The following FMO5 variants were observed in gnomAD, a reference collection of about 807,000 sequenced individuals.
FMO5 encodes flavin-containing monooxygenase 5.
In FMO5, 51 loss-of-function variants were observed where a neutral mutation model predicts 43.6. The observed-to-expected ratio is 1.17, with a 90% CI of 0.93 to 1.48. The LOEUF is 1.48. FMO5 is among the 40% of genes most tolerant of loss of function. FMO5 has a pLI of 0.00. For missense variants in FMO5, 644 were observed against 643.0 expected (o/e 1.00, Z -0.02); for synonymous variants, 187 against 216.5 (o/e 0.86, Z 1.20).
chr1:147,203,582 G>A, intron 6 of FMO5: 1 of 1,053,580 alleles, frequency 9.5e-7, no homozygotes, highest in Non-Finnish European at 1.5e-6. Flanking sequence ...TTCTGCCAGT[G>A]CACGGGGAAT....
At chr1:147,214,662 G>A (rs1417068174) in intron 3 of FMO5, 6 of 151,890 alleles carry the variant, frequency 4.0e-5, no homozygotes, top group African/African-American at 1.5e-4. Flanking sequence ...AAACTTCCCT[G>A]GAACCTGATA....
Position 147,186,429 on chromosome 1 carries a change from T to C in FMO5, c.*471A>G. 1.1e-6 allele frequency: 1 copy of C among 914,482 alleles called. No individual in the cohort carries two copies. The highest frequency in any genetic ancestry group is 5.0e-5 in the South Asian group (1 of 19,842). The allele number at this position is 914,482 out of a possible 1,614,324, so 56.6% of individuals were successfully genotyped here. On this transcript the variant is annotated 3_prime_UTR_variant, in exon 9 of 9. Coordinates refer to ENST00000254090, the MANE Select transcript of FMO5 (RefSeq NM_001461.4). Reference sequence around the variant, plus strand: ...AACTATTGTAGGAACATTATTTCTCTTATCTCTCAGGAAACATATTTAGTT... The same window carrying C: ...AACTATTGTAGGAACATTATTTCTCCTATCTCTCAGGAAACATATTTAGTT...
chr1:147,209,164 A>G (rs1289398783), intron 5 of FMO5, 113 bp from the exon 6 acceptor site: 10 of 787,406 alleles, frequency 1.3e-5, no homozygotes, highest in East Asian at 8.9e-5. Context: ...TCACGCCTGT[A>G]ATCCCAGCAC....
chr1:147,225,136 G>GGC, intron 1 of FMO5, 70 bp from the exon 2 acceptor site: 2 of 1,574,994 alleles, frequency 1.3e-6, no homozygotes, highest in Non-Finnish European at 1.7e-6. Flanking sequence ...CCTTGGCCGT[G>GGC]GCATTCGAAT....
At chr1:147,194,760 C>T in intron 7 of FMO5, among the ~76,000 whole-genome samples, 1 of 151,122 alleles carries the variant, frequency 6.6e-6, no homozygotes, top group Non-Finnish European at 1.5e-5. Context: ...GTCTCCTTCA[C>T]TTATGAAGCT....
chr1:147,214,782 T>A (rs1661701433), intron 3 of FMO5: 1 of 151,956 alleles, frequency 6.6e-6, no homozygotes, highest in Non-Finnish European at 1.5e-5. Flanking sequence ...TATAATAAAA[T>A]TTTTCTTCAT....
At chr1:147,208,816 G>T (rs1413001551) in intron 6 of FMO5, 36 bp downstream of exon 6, 3 of 1,554,358 alleles carry the variant, frequency 1.9e-6, no homozygotes, top group Non-Finnish European at 2.7e-6. Context: ...CTTGTGCTTT[G>T]GCCACTATCC....
chr1:147,215,645 A>T (rs1553924801), intron 3 of FMO5, 109 bp downstream of exon 3: 2 of 750,042 alleles, frequency 2.7e-6, no homozygotes, highest in Admixed American at 5.6e-5. Context: ...GGATAAATAC[A>T]TGTGCAAATC....
intron 8 of FMO5, among the ~76,000 whole-genome samples, chr1:147,188,750 C>T (rs1571135790): frequency 6.7e-6 from 1 of 148,286 alleles, no homozygotes; most frequent in East Asian, 2.0e-4. Flanking sequence ...TAAATATTTA[C>T]TATTTCAGAA....
At position 147,224,901 on chromosome 1, in the gene FMO5, C is replaced by A. The variant is rs1228538453; in HGVS notation, c.129G>T (p.Arg43Ser). ...GACTAGGAGATGTATGTACCTGGAA[C>A]CTCCAGAGCCCTCCGATGTCATCAG... ...ERTDDIGGLW[R>S]FQENPEEGRA... is the part of the protein sequence containing the mutation. Residue 43 changes from arginine (R) to serine (S), a missense_variant, in exon 2 of 9, where the codon AGG becomes AGT. Transcript: ENST00000254090. The A allele has an allele frequency of 6.2e-7, 1 of 1,613,852 alleles. No homozygotes were observed. The highest frequency in any genetic ancestry group is 8.5e-7 in the Non-Finnish European group (1 of 1,179,962).
chr1:147,224,071 G>C (rs1663559920), intron 2 of FMO5: 1 of 371,236 alleles, frequency 2.7e-6, no homozygotes, highest in African/African-American at 2.1e-5. Flanking sequence ...TGCCTGCCCT[G>C]TGTCCCAAAA....
chr1:147,184,682 C>G (rs1287586410), downstream of FMO5: 3 of 1,440,806 alleles, frequency 2.1e-6, no homozygotes, highest in African/African-American at 4.3e-5. This position sits in a 1 kb window ranked among gnomAD's most constrained non-coding sequence, Gnocchi z 4.4. Flanking sequence ...GTGGCCTTCT[C>G]ATCACTTCAT....
At chr1:147,189,769 A>T (rs1656334077) in intron 8 of FMO5, among the ~76,000 whole-genome samples, 1 of 152,148 alleles carries the variant, frequency 6.6e-6, no homozygotes, top group Non-Finnish European at 1.5e-5. Flanking sequence ...GCCACTGCAG[A>T]CTTGTAAATC....
chr1:147,190,358 C>CCTGT, intron 7 of FMO5, 109 bp from the exon 8 acceptor site: 1 of 679,654 alleles, frequency 1.5e-6, no homozygotes, highest in South Asian at 1.9e-5. Flanking sequence ...GGGTAAGTTT[C>CCTGT]CTGTACTCAA....
chr1:147,189,149 C>T (rs781832280), intron 8 of FMO5, among the ~76,000 whole-genome samples: 1 of 152,018 alleles, frequency 6.6e-6, no homozygotes, highest in Non-Finnish European at 1.5e-5. Context: ...TGGTGTGCAC[C>T]TGTAGTCCTA....
intron 2 of FMO5, among the ~76,000 whole-genome samples, chr1:147,216,171 C>T (rs587622842): frequency 1.3e-5 from 2 of 152,296 alleles, no homozygotes; most frequent in Admixed American, 1.3e-4. Context: ...GCTTCCAAGA[C>T]CAAGTCATAA....
chr1:147,192,119 G>A (rs781909602), intron 7 of FMO5, among the ~76,000 whole-genome samples: 1 of 152,018 alleles, frequency 6.6e-6, no homozygotes, highest in Non-Finnish European at 1.5e-5. Flanking sequence ...CCATTTTCAC[G>A]ATATTGATTC....
intron 2 of FMO5, among the ~76,000 whole-genome samples, chr1:147,217,315 A>C (rs1168264430): frequency 6.6e-6 from 1 of 152,214 alleles, no homozygotes; most frequent in East Asian, 1.9e-4. Flanking sequence ...GATCACATAA[A>C]GTAATGCAAT....
chr1:147,186,911 C>G lies in FMO5; in HGVS notation c.1591G>C (p.Ala531Pro), dbSNP rs782197162. ...LALAFFAIII[A>P]YF ...TGACAATAGGACAACTAGAAGTAAGCTATAATTATAGCAAAGAAGGCAAGA... is the reference window on the plus strand; with the variant it reads ...TGACAATAGGACAACTAGAAGTAAGGTATAATTATAGCAAAGAAGGCAAGA... Residue 531 changes from alanine (A) to proline (P), a missense_variant, in exon 9 of 9, where the codon GCT becomes CCT. Physicochemically the swap from Ala to Pro is conservative, Grantham distance 27. Transcript: ENST00000254090. 2.2e-5 allele frequency: 35 copies of G among 1,612,790 alleles called. No individual in the cohort carries two copies. The South Asian group carries it at 3.4e-4, about 16-fold the overall frequency.
Sources: gnomAD v4.1 joint callset for allele counts (sites outside exome capture counted in the v4.1 genomes callset) on GRCh38, gnomAD v4.1.1 for gene constraint, Gnocchi (gnomAD v3.1) non-coding constraint, MANE v1.5 for transcripts, NCBI Gene and HGNC (gene_info 2026-07-23, HGNC 2026-07-21) for gene names.